The following SPATA13 variants were observed in gnomAD, a reference collection of about 807,000 sequenced individuals.
SPATA13 encodes spermatogenesis-associated protein 13.
Under a neutral mutation model 104.0 loss-of-function variants are expected in SPATA13, and 50 were observed. The observed-to-expected ratio is 0.48, with a 90% CI of 0.38 to 0.61. The LOEUF (loss-of-function observed/expected upper bound fraction) is 0.61. SPATA13 is among the 20% of genes least tolerant of loss of function. SPATA13 has a pLI of 0.00. For synonymous variants in SPATA13, 606 were observed against 667.5 expected (o/e 0.91, Z 1.42); for missense variants, 1,524 against 1,690.6 (o/e 0.90, Z 1.73).
At chr13:24,003,630 A>G (rs1259993089) in intron 2 of SPATA13, among the ~76,000 whole-genome samples, 2 of 152,232 alleles carry the variant, frequency 1.3e-5, no homozygotes, top group Non-Finnish European at 2.9e-5. Flanking sequence ...GTAGTAATGA[A>G]TACAGATTTA....
At chr13:24,184,642 A>G (rs1869032030) in intron 1 of SPATA13, among the ~76,000 whole-genome samples, 1 of 152,158 alleles carries the variant, frequency 6.6e-6, no homozygotes, top group South Asian at 2.1e-4. Flanking sequence ...CTCACTAATC[A>G]CAGTGAGGAG....
intron 3 of SPATA13, among the ~76,000 whole-genome samples, chr13:24,076,862 G>A (rs1879345880): frequency 6.6e-6 from 1 of 151,906 alleles, no homozygotes; most frequent in Non-Finnish European, 1.5e-5. Flanking sequence ...GGGTGGACAG[G>A]AGTCCCCTAG....
chr13:24,267,463 C>T (rs1375036485), intron 4 of SPATA13, among the ~76,000 whole-genome samples: 1 of 152,270 alleles, frequency 6.6e-6, no homozygotes, highest in East Asian at 1.9e-4. Context: ...GCCCTGACCC[C>T]GTCTCTGGAT....
chr13:24,253,814 C>G (rs1873639386), intron 4 of SPATA13, among the ~76,000 whole-genome samples: 1 of 151,918 alleles, frequency 6.6e-6, no homozygotes, highest in Non-Finnish European at 1.5e-5. Context: ...AGGCAGGAAA[C>G]ATGATGTGTC....
chr13:24,002,964 G>C (rs529566523), intron 2 of SPATA13, among the ~76,000 whole-genome samples: 1 of 152,042 alleles, frequency 6.6e-6, no homozygotes, highest in Non-Finnish European at 1.5e-5. Flanking sequence ...AATGTGGGGG[G>C]TGAACAGAGA....
At chr13:24,096,042 C>T (rs371911363) in intron 3 of SPATA13, among the ~76,000 whole-genome samples, 22 of 152,286 alleles carry the variant, frequency 1.4e-4, no homozygotes, top group Admixed American at 5.2e-4. Flanking sequence ...AGCCTGGTGG[C>T]GTCCTTTATC....
intron 3 of SPATA13, among the ~76,000 whole-genome samples, chr13:24,151,617 T>C (rs1179942094): frequency 6.6e-6 from 1 of 152,352 alleles, no homozygotes; most frequent in South Asian, 2.1e-4. Context: ...TTTTTTCCTT[T>C]TTTTTAAGAG....
chr13:24,172,763 C>G (rs1000947197), intron 1 of SPATA13, among the ~76,000 whole-genome samples: 4 of 152,206 alleles, frequency 2.6e-5, no homozygotes, highest in Non-Finnish European at 5.9e-5. Context: ...CAGCTGCATA[C>G]ATCTTGAAAT....
upstream of SPATA13, among the ~76,000 whole-genome samples, chr13:24,158,318 A>G (rs951003968): frequency 6.6e-6 from 1 of 152,224 alleles, no homozygotes; most frequent in African/African-American, 2.4e-5. Context: ...GGCCATGTGG[A>G]TAGAGAGCCA....
intron 1 of SPATA13, among the ~76,000 whole-genome samples, chr13:24,207,300 C>T (rs372109981): frequency 3.3e-5 from 5 of 152,072 alleles, no homozygotes; most frequent in Admixed American, 2.0e-4. Context: ...TAGGATGATA[C>T]GTGCAGCAAA....
intron 2 of SPATA13, among the ~76,000 whole-genome samples, chr13:24,015,687 C>T (rs1876675096): frequency 6.6e-6 from 1 of 152,160 alleles, no homozygotes; most frequent in African/African-American, 2.4e-5. Context: ...TCAGACCAGC[C>T]AGGACACCCC....
intron 4 of SPATA13, among the ~76,000 whole-genome samples, chr13:24,268,604 C>T (rs1874401484): frequency 6.6e-6 from 1 of 152,078 alleles, no homozygotes; most frequent in African/African-American, 2.4e-5. Context: ...ACTACAAATA[C>T]AAAAATTAGC....
intron 5 of SPATA13, 89 bp downstream of exon 5, chr13:24,284,360 T>A: frequency 7.2e-7 from 1 of 1,396,080 alleles, no homozygotes; most frequent in Non-Finnish European, 9.7e-7. Context: ...CTAGTTCTTC[T>A]TTACTAAGCA....
At chr13:24,222,064 C>A (rs556589064) in intron 1 of SPATA13, among the ~76,000 whole-genome samples, 2 of 152,152 alleles carry the variant, frequency 1.3e-5, no homozygotes, top group Admixed American at 1.3e-4. Context: ...CCACGTGCCT[C>A]GGACTCCCAA....
chr13:24,218,426 A>G (rs1391320410), intron 1 of SPATA13, among the ~76,000 whole-genome samples: 1 of 152,132 alleles, frequency 6.6e-6, no homozygotes. Flanking sequence ...CTGTCACTAC[A>G]GCAATGGTAG....
chr13:24,122,391 A>G, intron 3 of SPATA13: 2 of 1,579,292 alleles, frequency 1.3e-6, no homozygotes, highest in Non-Finnish European at 1.7e-6. Flanking sequence ...TGATTGTGGA[A>G]TAGCCTTCCA....
At chr13:24,198,218 C>T (rs2138565323) in intron 1 of SPATA13, among the ~76,000 whole-genome samples, 1 of 152,216 alleles carries the variant, frequency 6.6e-6, no homozygotes, top group East Asian at 1.9e-4. Flanking sequence ...TGGTCTTGAA[C>T]TCCTGACCTT....
Position 24,302,738 on chromosome 13 carries a change from C to T in SPATA13, c.3799C>T (p.His1267Tyr). ...EPKRKSSLFW[H>Y]TFNRLTPFRK Reference sequence around the variant, plus strand: ...CAAGAGGAAGTCCTCGCTCTTCTGGCACACCTTCAACAGGCTCACCCCCTT... The same window carrying T: ...CAAGAGGAAGTCCTCGCTCTTCTGGTACACCTTCAACAGGCTCACCCCCTT... Residue 1267 changes from histidine (H) to tyrosine (Y), a missense_variant, in exon 13 of 13, where the codon CAC becomes TAC. By Grantham distance (83) the His-to-Tyr change is moderately conservative. Transcript: ENST00000382108. The T allele has an allele frequency of 6.2e-7, 1 of 1,614,170 alleles. No homozygotes were observed. The highest frequency in any genetic ancestry group is 8.5e-7 in the Non-Finnish European group (1 of 1,180,038).
intron 1 of SPATA13, among the ~76,000 whole-genome samples, chr13:24,190,898 G>T (rs9511122): frequency 0.093 from 14,150 of 151,976 alleles, 755 homozygotes; most frequent in East Asian, 0.23. Flanking sequence ...AAACAGTATC[G>T]CATCCTGTAG....
Sources: allele counts gnomAD v4.1 joint callset (sites outside exome capture counted in the v4.1 genomes callset), GRCh38; gene constraint gnomAD v4.1.1; transcripts MANE v1.5; gene names NCBI Gene and HGNC (gene_info 2026-07-23, HGNC 2026-07-21).